The following PLEKHA6 variants were observed in gnomAD, a reference collection of about 807,000 sequenced individuals.
The protein encoded by PLEKHA6 is pleckstrin homology domain-containing family A member 6.
Under a neutral mutation model 116.7 loss-of-function variants are expected in PLEKHA6, and 60 were observed. The ratio of observed to expected loss-of-function variants is 0.51; its 90% confidence interval spans 0.42 to 0.64. The LOEUF (loss-of-function observed/expected upper bound fraction) is 0.64. Among genes scored for constraint, PLEKHA6 ranks in the 30% least tolerant of loss-of-function variants. The pLI is 0.00. For synonymous variants in PLEKHA6, 489 were observed against 556.1 expected (o/e 0.88, Z 1.70); for missense variants, 1,338 against 1,422.7 (o/e 0.94, Z 0.96).
At position 204,287,187 on chromosome 1, in the gene PLEKHA6, C is replaced by T. The variant is rs561256610; in HGVS notation, c.-94-12378G>A. Among the ~76,000 whole-genome samples, 122 of 151,504 alleles carry T rather than the reference C, an allele frequency of 8.1e-4. 2 individuals are homozygous for T. In the South Asian group the frequency reaches 0.022, roughly 28 times the overall value. On this transcript the variant is annotated intron_variant, in intron 1 of 22. Transcript: ENST00000272203. The stretch of plus-strand genomic sequence containing the variant: ...GAACAAAAGGGCTCCTAGCTGGGGG[C>T]GGGAGGAGAGTAAAGTAAGCACTTC...
chr1:204,229,925 C>T (rs1363549577), intron 18 of PLEKHA6, among the ~76,000 whole-genome samples: 4 of 152,170 alleles, frequency 2.6e-5, no homozygotes, highest in Non-Finnish European at 1.5e-5. Context: ...TTTGTTTCCC[C>T]ATCTGCAAAA....
At chr1:204,290,224 CT>C (rs2103022761) in intron 1 of PLEKHA6, among the ~76,000 whole-genome samples, 1 of 152,250 alleles carries the variant, frequency 6.6e-6, no homozygotes, top group South Asian at 2.1e-4. Context: ...ATCCAGAATA[CT>C]CAAAAGCTTT....
At position 204,223,388 on chromosome 1, in the gene PLEKHA6, A is replaced by G; in HGVS notation, c.*8+74T>C. ...AGAAGCAATACCAAAATGAGAGGGC[A>G]TAGATGGCTCAATGGGGGTGAAGGA... On this transcript the variant is annotated intron_variant, in intron 22 of 22. Coordinates refer to ENST00000272203, the MANE Select transcript of PLEKHA6 (RefSeq NM_014935.5). This position sits in a 1 kb window ranked among gnomAD's most constrained non-coding sequence, Gnocchi z 4.8. The G allele has an allele frequency of 1.3e-6, 1 of 764,436 alleles. No homozygotes were observed. The highest frequency in any genetic ancestry group is 2.7e-5 in the East Asian group (1 of 37,454). 47.4% of individuals were successfully genotyped at this position (764,436 alleles called of 1,614,324 possible).
Position 204,265,015 on chromosome 1 carries a change from C to T in PLEKHA6, c.308G>A (p.Ser103Asn). ...TACCCGGAAGCTCAGGAGGGGGATG[C>T]TGCCCAGGATACTCTCTTCCTTCTC... is the stretch of plus-strand genomic sequence containing the variant. ...KDEKEESILG[S>N]IPLLSFRVAA... is the part of the protein sequence containing the mutation. The change falls in exon 6 of 23, where the codon AGC becomes AAC. Residue 103 changes from serine to asparagine, a missense_variant. This residue lies in a region of PLEKHA6 where 140 missense variants were observed against 197.4 expected (regional missense o/e 0.71). Transcript: ENST00000272203. The T allele has an allele frequency of 6.2e-7, 1 of 1,613,842 alleles. No homozygotes were observed. The highest frequency in any genetic ancestry group is 1.1e-5 in the South Asian group (1 of 91,076).
chr1:204,284,363 G>GA (rs1668947388), intron 1 of PLEKHA6, among the ~76,000 whole-genome samples: 1 of 152,216 alleles, frequency 6.6e-6, no homozygotes, highest in South Asian at 2.1e-4. Context: ...TTCTCTCTCA[G>GA]ACTGGGAGTA....
intron 1 of PLEKHA6, among the ~76,000 whole-genome samples, chr1:204,343,861 T>A (rs777505243): frequency 1.3e-5 from 2 of 152,096 alleles, no homozygotes; most frequent in Non-Finnish European, 2.9e-5. Context: ...CCCTCCCCTA[T>A]CCTGGTCATT....
Position 204,257,038 on chromosome 1 carries a change from T to C in PLEKHA6, c.1524+315A>G. 1 of 600,200 alleles carries C rather than the reference T, an allele frequency of 1.7e-6. No individual in the cohort carries two copies. The highest frequency in any genetic ancestry group is 2.8e-5 in the East Asian group (1 of 36,174). The allele number at this position is 600,200 out of a possible 1,614,324, so 37.2% of individuals were successfully genotyped here. ...CAGCAGCCCCCCTTGCAATGATCTG[T>C]CCAGGTCCTCAAGATTTGAAAAGAC... On this transcript the variant is annotated intron_variant, in intron 9 of 22. Transcript: ENST00000272203. This position sits in a 1 kb window ranked among gnomAD's most constrained non-coding sequence, Gnocchi z 6.5.
chr1:204,300,339 G>A (rs771846113), intron 1 of PLEKHA6, among the ~76,000 whole-genome samples: 3 of 152,180 alleles, frequency 2.0e-5, no homozygotes, highest in East Asian at 1.9e-4. Flanking sequence ...CATGCAATGC[G>A]TGGGGAAGCA....
intron 1 of PLEKHA6, among the ~76,000 whole-genome samples, chr1:204,290,387 G>A (rs1669621070): frequency 6.6e-6 from 1 of 152,198 alleles, no homozygotes; most frequent in African/African-American, 2.4e-5. Flanking sequence ...ACACATTTTG[G>A]TCAATTGGTT....
chr1:204,354,099 A>T (rs985845255), intron 1 of PLEKHA6, among the ~76,000 whole-genome samples: 8 of 152,244 alleles, frequency 5.3e-5, no homozygotes, highest in Non-Finnish European at 1.0e-4. Context: ...CTGCAATTAT[A>T]GATGCCTGTT....
At chr1:204,251,446 G>A (rs1571885495) in intron 9 of PLEKHA6, 6 of 665,202 alleles carry the variant, frequency 9.0e-6, no homozygotes, top group East Asian at 5.5e-5. Flanking sequence ...GGTGGCGTGA[G>A]CCTCATCCTA....
At chr1:204,279,562 A>G (rs898486173) in intron 1 of PLEKHA6, among the ~76,000 whole-genome samples, 1 of 152,220 alleles carries the variant, frequency 6.6e-6, no homozygotes, top group African/African-American at 2.4e-5. Flanking sequence ...GAATCCATGA[A>G]TACATACCCA....
chr1:204,291,402 A>G (rs889547843), intron 1 of PLEKHA6, among the ~76,000 whole-genome samples: 2 of 152,180 alleles, frequency 1.3e-5, no homozygotes, highest in Non-Finnish European at 2.9e-5. Flanking sequence ...TGCACCATAC[A>G]ACCCATTGAC....
At chr1:204,255,874 G>A (rs528737578) in intron 9 of PLEKHA6, among the ~76,000 whole-genome samples, 59 of 152,278 alleles carry the variant, frequency 3.9e-4, no homozygotes, top group Non-Finnish European at 6.2e-4. Context: ...GTTCTCTACT[G>A]GACACTCCAG....
At chr1:204,298,938 A>G (rs1372882340) in intron 1 of PLEKHA6, among the ~76,000 whole-genome samples, 2 of 152,230 alleles carry the variant, frequency 1.3e-5, no homozygotes, top group African/African-American at 4.8e-5. Context: ...GGAAGCTGAA[A>G]GTCCTCTCTG....
intron 1 of PLEKHA6, chr1:204,346,685 T>C: frequency 4.3e-6 from 3 of 704,662 alleles, no homozygotes; most frequent in East Asian, 5.3e-5. Flanking sequence ...AGAAACAGAC[T>C]CTTTGTATTC....
intron 1 of PLEKHA6, chr1:204,313,532 A>G (rs996519659): frequency 3.1e-6 from 3 of 980,242 alleles, no homozygotes; most frequent in Admixed American, 6.2e-5. Flanking sequence ...AGATGTTACT[A>G]TTGAAGAAAG....
chr1:204,376,429 A>T (rs1309421438), intron 1 of PLEKHA6, among the ~76,000 whole-genome samples: 1 of 152,242 alleles, frequency 6.6e-6, no homozygotes, highest in Non-Finnish European at 1.5e-5. Flanking sequence ...TTATTTAAGA[A>T]TCTGACTTAG....
chr1:204,281,683 G>C (rs1255725280), intron 1 of PLEKHA6, among the ~76,000 whole-genome samples: 1 of 152,134 alleles, frequency 6.6e-6, no homozygotes, highest in Non-Finnish European at 1.5e-5. Context: ...GCTGCCAGTG[G>C]CTGTCACCCA....
Sources: allele counts gnomAD v4.1 joint callset (sites outside exome capture counted in the v4.1 genomes callset), GRCh38; gene constraint gnomAD v4.1.1; regional missense constraint gnomAD v4.1.1; non-coding constraint Gnocchi (gnomAD v3.1); transcripts MANE v1.5; gene names NCBI Gene and HGNC (gene_info 2026-07-23, HGNC 2026-07-21).